The following CACHD1 variants were observed in gnomAD, a reference collection of about 807,000 sequenced individuals.
The protein encoded by CACHD1 is cache domain containing 1, also known as VWFA and cache domain-containing protein 1.
In CACHD1, 71 loss-of-function variants were observed where a neutral mutation model predicts 138.7. The ratio of observed to expected loss-of-function variants is 0.51; its 90% CI spans 0.42 to 0.62. The LOEUF (loss-of-function observed/expected upper bound fraction) is 0.62. Ranked by LOEUF, CACHD1 falls within the 20% of genes least tolerant of loss-of-function variation. The probability of loss-of-function intolerance (pLI) is 0.00; values close to 1 mark genes in which losing one functional copy is unlikely to be tolerated. For missense variants in CACHD1, 1,389 were observed against 1,625.3 expected, an observed-to-expected ratio of 0.85 and a Z score of 2.50; for synonymous variants, 578 against 591.5, an observed-to-expected ratio of 0.98 and a Z score of 0.33.
At position 64,490,700 on chromosome 1, in the gene CACHD1, G is replaced by A. The variant is rs75041165; in HGVS notation, c.198+19758G>A. Reference sequence around the variant, plus strand: ...AACAATTACAAAGGAGTCGTGCAAAGGCAGAGTGACTTGGCTTCAGCAAGC... The same window carrying A: ...AACAATTACAAAGGAGTCGTGCAAAAGCAGAGTGACTTGGCTTCAGCAAGC... On this transcript the variant is annotated intron_variant, in intron 1 of 26. Coordinates refer to ENST00000651257, the MANE Select transcript of CACHD1 (RefSeq NM_020925.4). 1.9e-4 allele frequency among the ~76,000 whole-genome samples: 29 copies of A among 152,318 alleles called. No individual in the cohort carries two copies. The East Asian group carries it at 5.6e-3, about 29-fold the overall frequency.
At chr1:64,674,527 G>A (rs1317882778) in intron 19 of CACHD1, among the ~76,000 whole-genome samples, 2 of 152,176 alleles carry the variant, frequency 1.3e-5, no homozygotes, top group East Asian at 1.9e-4. Flanking sequence ...GAGCATTCCT[G>A]GGTATTGGGG....
rs1273473948 is a variant in CACHD1, at chr1:64,621,387, C to CT, written c.518-7961dup. Among the ~76,000 whole-genome samples, 4 of 152,062 alleles carry CT rather than the reference C, an allele frequency of 2.6e-5. No individual in the cohort carries two copies. The East Asian group carries it at 7.7e-4, about 29-fold the overall frequency. On this transcript the variant is annotated intron_variant, in intron 4 of 26. Coordinates refer to ENST00000651257, the MANE Select transcript of CACHD1 (RefSeq NM_020925.4). ...GGAGTGAGGATGCTCCCCTCTTCCCCTTTTTTTGTATAAACTTGATCAAAG... is the reference window on the plus strand; with the variant it reads ...GGAGTGAGGATGCTCCCCTCTTCCCCTTTTTTTTGTATAAACTTGATCAAAG...
chr1:64,534,098 T>TA (rs1646613216), intron 1 of CACHD1, among the ~76,000 whole-genome samples: 1 of 148,014 alleles, frequency 6.8e-6, no homozygotes. Context: ...GGCTGGAGTG[T>TA]AGTGGCATGT....
Position 64,689,998 on chromosome 1 carries a change from C to T in CACHD1, c.3587-1325C>T, listed in dbSNP as rs145254910. 4.9e-4 allele frequency among the ~76,000 whole-genome samples: 74 copies of T among 152,326 alleles called. 1 individual carries two copies. Among genetic ancestry groups the T allele is most frequent in the Non-Finnish European group, 1.8e-4 (12 of 68,032 alleles). On this transcript the variant is annotated intron_variant, in intron 26 of 26. Coordinates refer to ENST00000651257, the MANE Select transcript of CACHD1 (RefSeq NM_020925.4). ...TAAAATCATTAGGGAAAGATGACGTCTCTTATTCGTGTTTCCTCTTCTCCC... is the reference window on the plus strand; with the variant it reads ...TAAAATCATTAGGGAAAGATGACGTTTCTTATTCGTGTTTCCTCTTCTCCC...
Position 64,470,768 on chromosome 1 carries a change from G to T in CACHD1, c.24G>T (p.Glu8Asp). 1.2e-6 allele frequency: 1 copy of T among 842,774 alleles called. No individual in the cohort carries two copies. Among genetic ancestry groups the T allele is most frequent in the Admixed American group, 2.4e-5 (1 of 41,572 alleles). The allele number at this position is 842,774 out of a possible 1,614,324, so 52.2% of individuals were successfully genotyped here. A position where few individuals can be genotyped will look rare whatever the true frequency, so the allele number is the denominator to read the frequency against. The change falls in exon 1 of 27, where the codon GAG becomes GAT. Residue 8 changes from glutamate to aspartate, a missense_variant. Physicochemically the swap from Glu to Asp is conservative, Grantham distance 45. Around this residue, in one of 5 missense-constraint regions of CACHD1, gnomAD observed 1,000 missense variants for 1,114.7 expected, o/e 0.90. Transcript: ENST00000651257. This position sits in a 1 kb window ranked among gnomAD's most constrained non-coding sequence, Gnocchi z 5.2. MARQPEE[E>D]ETAVARARRP... ...GCATGGCCCGCCAGCCGGAGGAAGA[G>T]GAGACGGCCGTGGCCCGGGCGCGGC...
chr1:64,621,690 G>A (rs1389194176), intron 4 of CACHD1, among the ~76,000 whole-genome samples: 1 of 152,138 alleles, frequency 6.6e-6, no homozygotes, highest in Non-Finnish European at 1.5e-5. Flanking sequence ...ATTTTCCCCG[G>A]CCTAAGGATC....
chr1:64,495,173 C>T (rs1646299047), intron 1 of CACHD1, among the ~76,000 whole-genome samples: 1 of 152,010 alleles, frequency 6.6e-6, no homozygotes, highest in Non-Finnish European at 1.5e-5. Context: ...AACCAACCTC[C>T]CCTCCCCTGC....
chr1:64,680,178 T>G (rs1650125108), intron 24 of CACHD1, among the ~76,000 whole-genome samples: 1 of 152,194 alleles, frequency 6.6e-6, no homozygotes, highest in South Asian at 2.1e-4. Flanking sequence ...CACATTTGAA[T>G]AATCACATCT....
chr1:64,682,477 C>T (rs903235609), intron 26 of CACHD1, among the ~76,000 whole-genome samples: 2 of 152,154 alleles, frequency 1.3e-5, no homozygotes, highest in East Asian at 3.9e-4. Context: ...GTGCTGTCCT[C>T]CAGCATTCTC....
intron 11 of CACHD1, 25 bp downstream of exon 11, chr1:64,653,906 G>T (rs1557541371): frequency 1.2e-6 from 2 of 1,607,648 alleles, no homozygotes; most frequent in East Asian, 2.2e-5. Flanking sequence ...AGGGTCATAG[G>T]ATTGTTTTTC....
intron 24 of CACHD1, among the ~76,000 whole-genome samples, chr1:64,680,013 CAG>C (rs2100734814): frequency 6.6e-6 from 1 of 152,316 alleles, no homozygotes; most frequent in Admixed American, 6.5e-5. Context: ...ATAAGCCAGT[CAG>C]GGGAGCTGGG....
Position 64,484,698 on chromosome 1 carries a change from ACTCTAGGTAC to A in CACHD1, c.198+13760_198+13769del, listed in dbSNP as rs1646231846. On this transcript the variant is annotated intron_variant, in intron 1 of 26. Coordinates refer to ENST00000651257, the MANE Select transcript of CACHD1 (RefSeq NM_020925.4). ...ACTTTCTATCTCTCTGAATTTGGCT[ACTCTAGGTAC>A]CTCATAAAAGTGGAATTAAACAACA... is the stretch of plus-strand genomic sequence containing the variant. Among the ~76,000 whole-genome samples, 5 of 152,192 alleles carry A rather than the reference ACTCTAGGTAC, an allele frequency of 3.3e-5. No individual in the cohort carries two copies. In the South Asian group the frequency reaches 1.0e-3, roughly 32 times the overall value.
chr1:64,635,897 G>A lies in CACHD1; in HGVS notation c.1006+1637G>A, dbSNP rs531010962. 8.0e-4 allele frequency among the ~76,000 whole-genome samples: 122 copies of A among 151,592 alleles called. 2 individuals are homozygous for A. The highest frequency in any genetic ancestry group is 6.8e-3 in the Middle Eastern group (2 of 294). On this transcript the variant is annotated intron_variant, in intron 7 of 26. Coordinates refer to ENST00000651257, the MANE Select transcript of CACHD1 (RefSeq NM_020925.4). ...GAGGCTGAGGTGGGTGGATCACAAG[G>A]TCATGAGATCAAGACCAGCCTGACC...
At chr1:64,669,636 CG>C (rs1181529345) in intron 16 of CACHD1, among the ~76,000 whole-genome samples, 2 of 151,596 alleles carry the variant, frequency 1.3e-5, no homozygotes, top group Non-Finnish European at 2.9e-5. Flanking sequence ...GAAAATCTCA[CG>C]GAAGTATTGC....
At chr1:64,611,352 A>G (rs1647527983) in intron 4 of CACHD1, among the ~76,000 whole-genome samples, 1 of 152,206 alleles carries the variant, frequency 6.6e-6, no homozygotes, top group African/African-American at 2.4e-5. Context: ...CCACATGGTC[A>G]TGCTGCACAT....
At chr1:64,619,731 C>T (rs546571907) in intron 4 of CACHD1, among the ~76,000 whole-genome samples, 9 of 152,168 alleles carry the variant, frequency 5.9e-5, no homozygotes, top group African/African-American at 1.4e-4. Flanking sequence ...AAGCAGAGGG[C>T]GTGATCCCCG....
intron 2 of CACHD1, among the ~76,000 whole-genome samples, chr1:64,555,411 ACTT>A (rs898895402): frequency 1.3e-5 from 2 of 151,656 alleles, no homozygotes; most frequent in African/African-American, 4.8e-5. Context: ...CTCACTTAAG[ACTT>A]CTTTTTGTTT....
At chr1:64,555,633 C>T (rs1052146977) in intron 2 of CACHD1, among the ~76,000 whole-genome samples, 11 of 152,102 alleles carry the variant, frequency 7.2e-5, no homozygotes, top group Non-Finnish European at 1.5e-5. Flanking sequence ...GTTGACTGGT[C>T]TGATCTTGAA....
intron 2 of CACHD1, among the ~76,000 whole-genome samples, chr1:64,553,770 AT>A (rs910302619): frequency 6.6e-6 from 1 of 151,970 alleles, no homozygotes; most frequent in African/African-American, 2.4e-5. Context: ...ATTCCCTTGC[AT>A]TTTTTTGTTT....
Sources: gnomAD v4.1 joint callset for allele counts (sites outside exome capture counted in the v4.1 genomes callset) on GRCh38, gnomAD v4.1.1 for gene constraint, gnomAD v4.1.1 regional missense constraint, Gnocchi (gnomAD v3.1) non-coding constraint, MANE v1.5 for transcripts, NCBI Gene and HGNC (gene_info 2026-07-23, HGNC 2026-07-21) for gene names.